Variants in PRLR observed in about 807,000 individuals in gnomAD.
PRLR encodes the protein prolactin receptor, also known as hPRL receptor.
A neutral mutation model predicts 40.2 loss-of-function variants in PRLR; 13 were observed. The ratio of observed to expected loss-of-function variants is 0.32; its 90% CI spans 0.21 to 0.51. The LOEUF is 0.51. Among genes scored for constraint, PRLR ranks in the 20% least tolerant of loss-of-function variants. The pLI is 0.97. For synonymous variants in PRLR, 269 were observed against 278.7 expected (o/e 0.97, Z 0.35); for missense variants, 656 against 747.3 (o/e 0.88, Z 1.42).
intron 1 of PRLR, among the ~76,000 whole-genome samples, chr5:35,219,038 G>A (rs945821310): frequency 6.6e-6 from 1 of 152,136 alleles, no homozygotes; most frequent in Non-Finnish European, 1.5e-5. Context: ...GTGGGGGGTG[G>A]TTTATCCTCC....
intron 1 of PRLR, among the ~76,000 whole-genome samples, chr5:35,184,731 T>C (rs559536907): frequency 6.6e-6 from 1 of 152,302 alleles, no homozygotes; most frequent in African/African-American, 2.4e-5. Flanking sequence ...AAGCAGGGAC[T>C]CACCAAAGCT....
At position 35,064,843 on chromosome 5, in the gene PRLR, T is replaced by G. The variant is rs1769251405; in HGVS notation, c.*246A>C. ...AAGAATACTAAGCAGTGTGCTTTTA[T>G]TTCATTGAACACATAGTTTTATAAC... On this transcript the variant is annotated 3_prime_UTR_variant, in exon 10 of 10. Coordinates refer to ENST00000618457, the MANE Select transcript of PRLR (RefSeq NM_000949.7). The G allele has an allele frequency of 2.0e-6, 1 of 496,380 alleles. No individual in the cohort carries two copies. Among genetic ancestry groups the G allele is most frequent in the Non-Finnish European group, 3.5e-6 (1 of 282,730 alleles). 30.7% of individuals were successfully genotyped at this position (496,380 alleles called of 1,614,324 possible).
intron 9 of PRLR, 76 bp downstream of exon 9, chr5:35,068,140 G>T: frequency 1.5e-6 from 2 of 1,324,834 alleles, no homozygotes; most frequent in Non-Finnish European, 2.2e-6. Flanking sequence ...AACTGACGGG[G>T]ACTGTGTGTG....
intron 2 of PRLR, among the ~76,000 whole-genome samples, chr5:35,102,391 C>T (rs1771939006): frequency 6.6e-6 from 1 of 151,898 alleles, no homozygotes; most frequent in Admixed American, 6.6e-5. Context: ...TCTCTCCTCT[C>T]TCCTTTCCTT....
chr5:35,051,432 G>A (rs969724442), downstream of PRLR, among the ~76,000 whole-genome samples: 3 of 152,094 alleles, frequency 2.0e-5, no homozygotes, highest in African/African-American at 7.2e-5. Flanking sequence ...TCAGCAGTTG[G>A]GATTTTCTAG....
chr5:35,065,369 TTCTC>T lies in PRLR; in HGVS notation c.1585_1588del (p.Glu529ThrfsTer103). ...CCCGGGCTTCTTGGGCTTGCCGCTG[TTCTC>T]TCTCTGTTTTGGTAGCAATGATAAT... On this transcript the variant is annotated frameshift_variant, in exon 10 of 10. Transcript: ENST00000618457. LOFTEE classifies it low-confidence loss of function (END_TRUNC). The T allele has an allele frequency of 6.2e-7, 1 of 1,614,160 alleles. No homozygotes were observed.
At chr5:35,221,900 G>C (rs1185131816) in intron 1 of PRLR, among the ~76,000 whole-genome samples, 1 of 152,228 alleles carries the variant, frequency 6.6e-6, no homozygotes, top group African/African-American at 2.4e-5. Context: ...GTATTGCCAA[G>C]ACTCTGGCTT....
chr5:35,072,880 G>A lies in PRLR; in HGVS notation c.374-136C>T, dbSNP rs562986148. On this transcript the variant is annotated intron_variant, in intron 5 of 9. Coordinates refer to ENST00000618457, the MANE Select transcript of PRLR (RefSeq NM_000949.7). ...TGTACTATAAGCCCCCCAAATACCC[G>A]GGCCTTTTGTCTTCTACCTCTTAGT... 51 of 1,001,852 alleles carry A rather than the reference G, an allele frequency of 5.1e-5. No individual in the cohort carries two copies. The East Asian group carries it at 5.5e-4, about 11-fold the overall frequency. 62.1% of individuals were successfully genotyped at this position (1,001,852 alleles called of 1,614,324 possible). A position where few individuals can be genotyped will look rare whatever the true frequency, so the allele number is the denominator to read the frequency against.
intron 1 of PRLR, among the ~76,000 whole-genome samples, chr5:35,120,748 G>T (rs1208297693): frequency 6.6e-6 from 1 of 152,174 alleles, no homozygotes; most frequent in African/African-American, 2.4e-5. Context: ...CTCCCACTTG[G>T]AGTACTGTGC....
At chr5:35,109,422 G>A (rs925433898) in intron 2 of PRLR, among the ~76,000 whole-genome samples, 5 of 152,118 alleles carry the variant, frequency 3.3e-5, no homozygotes, top group East Asian at 1.9e-4. Flanking sequence ...CCATCAGAGC[G>A]AACTGGCAAC....
intron 1 of PRLR, among the ~76,000 whole-genome samples, chr5:35,221,248 T>C (rs1205321240): frequency 2.6e-5 from 4 of 152,322 alleles, no homozygotes; most frequent in African/African-American, 9.6e-5. Flanking sequence ...AGAAAGCAAG[T>C]CTTGGTTAAC....
At chr5:35,188,101 G>C (rs1352187709) in intron 1 of PRLR, among the ~76,000 whole-genome samples, 3 of 152,144 alleles carry the variant, frequency 2.0e-5, no homozygotes, top group African/African-American at 4.8e-5. Context: ...TGCTACTGCA[G>C]TCACCTGGGG....
chr5:35,110,151 G>A (rs1224936746), intron 2 of PRLR, among the ~76,000 whole-genome samples: 3 of 152,126 alleles, frequency 2.0e-5, no homozygotes. Context: ...CTCACTCACA[G>A]ATGGGATTTG....
intron 1 of PRLR, among the ~76,000 whole-genome samples, chr5:35,177,095 C>T (rs1001637758): frequency 6.6e-5 from 10 of 152,308 alleles, no homozygotes; most frequent in South Asian, 4.1e-4. Context: ...CCTTTGTTCA[C>T]GTGTTTGTCT....
intron 1 of PRLR, among the ~76,000 whole-genome samples, chr5:35,159,772 T>C (rs1218617127): frequency 6.6e-6 from 1 of 152,220 alleles, no homozygotes; most frequent in African/African-American, 2.4e-5. Flanking sequence ...TTATACTTTC[T>C]TTTGCCCTCT....
intron 2 of PRLR, among the ~76,000 whole-genome samples, chr5:35,100,281 A>T (rs916473705): frequency 2.0e-5 from 3 of 152,002 alleles, no homozygotes; most frequent in African/African-American, 4.8e-5. Flanking sequence ...AAAAAAATTT[A>T]AAAAAAATTT....
intron 1 of PRLR, among the ~76,000 whole-genome samples, chr5:35,187,616 T>C (rs576078511): frequency 6.6e-6 from 1 of 152,284 alleles, no homozygotes; most frequent in South Asian, 2.1e-4. Flanking sequence ...AAATGGATTA[T>C]GAAGATTCCT....
Position 35,225,411 on chromosome 5 carries a change from T to C in PRLR, c.-106+4857A>G, listed in dbSNP as rs1001688416. On this transcript the variant is annotated intron_variant, in intron 1 of 9. Coordinates refer to ENST00000618457, the MANE Select transcript of PRLR (RefSeq NM_000949.7). Reference sequence around the variant, plus strand: ...CCAAATAACTGAATATGGGGGCAGATGAGAAGGAGCCTGACACAAGAACAG... The same window carrying C: ...CCAAATAACTGAATATGGGGGCAGACGAGAAGGAGCCTGACACAAGAACAG... Among the ~76,000 whole-genome samples the C allele has an allele frequency of 3.3e-5, 5 of 152,220 alleles. No homozygotes were observed. The South Asian group carries it at 1.0e-3, about 32-fold the overall frequency.
At chr5:35,151,751 A>T (rs1042628351) in intron 1 of PRLR, among the ~76,000 whole-genome samples, 3 of 152,186 alleles carry the variant, frequency 2.0e-5, no homozygotes, top group Non-Finnish European at 2.9e-5. Flanking sequence ...CCAGGCACCA[A>T]ACATATGAAT....
Sources: allele counts gnomAD v4.1 joint callset (sites outside exome capture counted in the v4.1 genomes callset), GRCh38; gene constraint gnomAD v4.1.1; transcripts MANE v1.5; gene names NCBI Gene and HGNC (gene_info 2026-07-23, HGNC 2026-07-21).